TEC: variants seen among roughly 807,000 people sequenced by gnomAD.
TEC encodes the protein tyrosine-protein kinase Tec.
TEC carries 72 observed loss-of-function variants against 93.0 expected under a neutral mutation model. That is an observed-to-expected ratio of 0.77 (90% CI 0.64 to 0.94). The LOEUF (loss-of-function observed/expected upper bound fraction) is 0.94. Ranked by LOEUF, TEC falls within the 40% of genes least tolerant of loss-of-function variation. TEC has a pLI of 0.00. For missense variants in TEC, 630 were observed against 757.9 expected, an observed-to-expected ratio of 0.83 and a Z score of 1.98; for synonymous variants, 249 against 247.7, an observed-to-expected ratio of 1.01 and a Z score of -0.05.
intron 2 of TEC, among the ~76,000 whole-genome samples, chr4:48,223,456 C>T (rs1723331736): frequency 6.6e-6 from 1 of 152,006 alleles, no homozygotes; most frequent in African/African-American, 2.4e-5. Flanking sequence ...TGTGCGCAAT[C>T]TCTTGTAAGC....
chr4:48,209,419 TAGAG>T lies in TEC; in HGVS notation c.138+19054_138+19057del, dbSNP rs141879893. ...GGAGTTTGAGACCAGCCTGGCAACA[TAGAG>T]AGAGCTCATCTCTACAAAAAAAAAT... On this transcript the variant is annotated intron_variant, in intron 2 of 17. Transcript: ENST00000381501. 2.9e-3 allele frequency among the ~76,000 whole-genome samples: 440 copies of T among 151,330 alleles called. 4 individuals carry two copies. Among genetic ancestry groups the T allele is most frequent in the African/African-American group, 0.01 (425 of 41,194 alleles).
intron 2 of TEC, among the ~76,000 whole-genome samples, chr4:48,200,217 T>G (rs1722454778): frequency 6.8e-6 from 1 of 147,642 alleles, no homozygotes; most frequent in South Asian, 2.1e-4. Flanking sequence ...ATAGGTAATG[T>G]ACATGCTTCA....
rs115702909 is a variant in TEC, at chr4:48,154,463, T to C, written c.792+2217A>G. On this transcript the variant is annotated intron_variant, in intron 9 of 17. Coordinates refer to ENST00000381501, the MANE Select transcript of TEC (RefSeq NM_003215.3). ...TACTACTAAGAATTACAATAGTAGT[T>C]AGTGTATGTAATTAAAACTACCACA... Among the ~76,000 whole-genome samples the C allele has an allele frequency of 7.2e-3, 1,093 of 152,282 alleles. 15 individuals are homozygous for C. Among genetic ancestry groups the C allele is most frequent in the African/African-American group, 0.025 (1,031 of 41,558 alleles).
intron 9 of TEC, 54 bp downstream of exon 9, chr4:48,156,619 TATTATGG>T (rs1465638274): frequency 1.4e-6 from 2 of 1,432,228 alleles, no homozygotes; most frequent in African/African-American, 2.9e-5. Flanking sequence ...TGGAACTACT[TATTATGG>T]ACTCATTAAA....
intron 2 of TEC, among the ~76,000 whole-genome samples, chr4:48,178,416 T>TAAA (rs1247444041): frequency 2.6e-4 from 39 of 152,076 alleles, no homozygotes; most frequent in African/African-American, 8.7e-4. Flanking sequence ...ACACAATGGT[T>TAAA]GAGACACTAT....
chr4:48,232,245 C>T (rs773997174), intron 1 of TEC, among the ~76,000 whole-genome samples: 5 of 151,744 alleles, frequency 3.3e-5, no homozygotes, highest in African/African-American at 9.7e-5. Flanking sequence ...GCAAAGATCA[C>T]GCCATTGTGC....
intron 2 of TEC, among the ~76,000 whole-genome samples, chr4:48,225,034 T>A (rs1577654038): frequency 6.6e-6 from 1 of 152,160 alleles, no homozygotes; most frequent in African/African-American, 2.4e-5. Flanking sequence ...TAAAAATAAA[T>A]ATCTCTAGGG....
At chr4:48,216,147 C>T (rs766854593) in intron 2 of TEC, among the ~76,000 whole-genome samples, 10 of 152,066 alleles carry the variant, frequency 6.6e-5, no homozygotes, top group African/African-American at 2.4e-4. Context: ...GGCCTTTGCA[C>T]CTGCTGTTCC....
intron 14 of TEC, among the ~76,000 whole-genome samples, chr4:48,142,928 C>T (rs185201162): frequency 1.4e-3 from 211 of 152,116 alleles, no homozygotes; most frequent in East Asian, 5.4e-3. Flanking sequence ...GTGATCCGCC[C>T]GCCTCGGCCT....
chr4:48,229,120 G>T (rs1197362426), intron 1 of TEC, among the ~76,000 whole-genome samples: 1 of 152,132 alleles, frequency 6.6e-6, no homozygotes, highest in African/African-American at 2.4e-5. Context: ...CATGGTGGTG[G>T]ATATGATTCA....
At position 48,221,414 on chromosome 4, in the gene TEC, G is replaced by A. The variant is rs185769188; in HGVS notation, c.138+7063C>T. Among the ~76,000 whole-genome samples the A allele has an allele frequency of 9.0e-4, 137 of 152,272 alleles. 2 individuals carry two copies. Among genetic ancestry groups the A allele is most frequent in the Non-Finnish European group, 2.2e-4 (15 of 68,024 alleles). On this transcript the variant is annotated intron_variant, in intron 2 of 17. Transcript: ENST00000381501. The stretch of plus-strand genomic sequence containing the variant: ...GCTTTGCTCAGCACTTCTCCTTGCT[G>A]CCACCATGCGAAGAGGTATGTGTTT...
chr4:48,148,017 A>C (rs1026314790), intron 11 of TEC, among the ~76,000 whole-genome samples: 20 of 152,190 alleles, frequency 1.3e-4, no homozygotes, highest in African/African-American at 4.1e-4. Context: ...CATTTATATG[A>C]AATGTCCAGA....
chr4:48,263,794 C>T (rs994426658), intron 1 of TEC, among the ~76,000 whole-genome samples: 2 of 152,158 alleles, frequency 1.3e-5, no homozygotes, highest in Non-Finnish European at 2.9e-5. Flanking sequence ...ATAGGTTTTG[C>T]CCCCTATGAC....
chr4:48,173,885 T>C (rs1466993), intron 3 of TEC, among the ~76,000 whole-genome samples: 57,652 of 152,046 alleles, frequency 0.38, 11,948 homozygotes, highest in East Asian at 0.9. Context: ...GCAGCTGGTG[T>C]GGATTCCCCA....
intron 1 of TEC, among the ~76,000 whole-genome samples, chr4:48,252,653 A>C (rs1368794457): frequency 6.6e-6 from 1 of 152,244 alleles, no homozygotes; most frequent in Non-Finnish European, 1.5e-5. Flanking sequence ...ATAAAGGCAG[A>C]GATATAGGCA....
rs770908638 is a variant in TEC at position 48,141,338 on chromosome 4, C to T, written c.1535+17G>A. The T allele has an allele frequency of 1.6e-5, 26 of 1,610,492 alleles. No individual in the cohort carries two copies. Among genetic ancestry groups the T allele is most frequent in the Non-Finnish European group, 1.7e-5 (20 of 1,177,380 alleles). ...AAAATGCAAACATCACCTAAAACCA[C>T]GTATACTTGGACATACCTGGCCATT... On this transcript the variant is annotated intron_variant, in intron 15 of 17. Coordinates refer to ENST00000381501, the MANE Select transcript of TEC (RefSeq NM_003215.3).
intron 2 of TEC, among the ~76,000 whole-genome samples, chr4:48,193,340 T>G (rs1393114301): frequency 6.6e-6 from 1 of 152,064 alleles, no homozygotes; most frequent in African/African-American, 2.4e-5. Context: ...ATCTTTTTTC[T>G]TTCTTCTGCT....
At chr4:48,223,172 G>A (rs1723321903) in intron 2 of TEC, among the ~76,000 whole-genome samples, 1 of 152,112 alleles carries the variant, frequency 6.6e-6, no homozygotes, top group Non-Finnish European at 1.5e-5. Flanking sequence ...CTATAGATTG[G>A]AGAAAATTAT....
intron 9 of TEC, among the ~76,000 whole-genome samples, chr4:48,151,774 A>C (rs866719756): frequency 6.6e-6 from 1 of 152,226 alleles, no homozygotes; most frequent in Non-Finnish European, 1.5e-5. Context: ...GGCGTGAGCC[A>C]ACACACCCAG....
Sources: gnomAD v4.1 joint callset for allele counts (sites outside exome capture counted in the v4.1 genomes callset) on GRCh38, gnomAD v4.1.1 for gene constraint, MANE v1.5 for transcripts, NCBI Gene and HGNC (gene_info 2026-07-23, HGNC 2026-07-21) for gene names.